The following CNTNAP4 variants were observed in gnomAD, a reference collection of about 807,000 sequenced individuals.
CNTNAP4 encodes contactin-associated protein-like 4.
In CNTNAP4, 98 loss-of-function variants were observed where a neutral mutation model predicts 148.4. That is an observed-to-expected ratio of 0.66 (90% CI 0.56 to 0.78). CNTNAP4 has a LOEUF of 0.78. Among genes scored for constraint, CNTNAP4 ranks in the 30% least tolerant of loss-of-function variants. The pLI is 0.00. For synonymous variants in CNTNAP4, 730 were observed against 565.1 expected (o/e 1.29, Z -4.14); for missense variants, 1,935 against 1,565.6 (o/e 1.24, Z -3.98).
chr16:76,419,719 C>G (rs898910426), intron 3 of CNTNAP4, among the ~76,000 whole-genome samples: 5 of 151,982 alleles, frequency 3.3e-5, no homozygotes, highest in Admixed American at 2.6e-4. Flanking sequence ...GACTGGGTGA[C>G]TTAAACAACA....
At chr16:76,530,921 C>G (rs1315529499) in intron 17 of CNTNAP4, among the ~76,000 whole-genome samples, 1 of 152,146 alleles carries the variant, frequency 6.6e-6, no homozygotes, top group Non-Finnish European at 1.5e-5. Flanking sequence ...ATATAGAAGA[C>G]AACTTTTTCC....
chr16:76,546,839 G>A (rs2084759310), intron 21 of CNTNAP4, among the ~76,000 whole-genome samples: 2 of 152,092 alleles, frequency 1.3e-5, no homozygotes, highest in African/African-American at 4.8e-5. Flanking sequence ...TAAATGTAAT[G>A]GGGTGTTAGA....
intron 10 of CNTNAP4, among the ~76,000 whole-genome samples, chr16:76,471,511 C>T (rs1451781906): frequency 6.6e-6 from 1 of 152,164 alleles, no homozygotes; most frequent in African/African-American, 2.4e-5. Flanking sequence ...CTCTGCACCT[C>T]CGTCACCTGT....
At chr16:76,358,305 C>A (rs1386871602) in intron 3 of CNTNAP4, among the ~76,000 whole-genome samples, 1 of 152,152 alleles carries the variant, frequency 6.6e-6, no homozygotes, top group East Asian at 1.9e-4. Flanking sequence ...CACTGCACTC[C>A]AGCCTGGGTG....
intron 10 of CNTNAP4, among the ~76,000 whole-genome samples, chr16:76,470,321 G>A (rs1455011301): frequency 1.3e-5 from 2 of 151,488 alleles, no homozygotes; most frequent in African/African-American, 2.4e-5. Flanking sequence ...TCATTTGATG[G>A]TTCAATAAAC....
At chr16:76,417,617 T>C (rs974838580) in intron 3 of CNTNAP4, among the ~76,000 whole-genome samples, 38 of 151,814 alleles carry the variant, frequency 2.5e-4, no homozygotes, top group South Asian at 1.9e-3. Flanking sequence ...TAAATGTTTG[T>C]CTTTTAACTA....
chr16:76,434,988 T>G (rs1279877898), intron 4 of CNTNAP4, among the ~76,000 whole-genome samples: 1 of 152,160 alleles, frequency 6.6e-6, no homozygotes. Context: ...CAGTGTCCAG[T>G]GGTCCCTGAA....
At chr16:76,483,881 A>G (rs2081930625) in intron 12 of CNTNAP4, among the ~76,000 whole-genome samples, 2 of 152,216 alleles carry the variant, frequency 1.3e-5, no homozygotes, top group South Asian at 4.1e-4. Flanking sequence ...GCAAATTCAC[A>G]AGTAATGAGA....
chr16:76,510,800 C>A (rs1414076308), intron 15 of CNTNAP4, among the ~76,000 whole-genome samples: 1 of 152,130 alleles, frequency 6.6e-6, no homozygotes, highest in East Asian at 1.9e-4. Context: ...CTTAACACTT[C>A]AGAAGTAAAC....
intron 2 of CNTNAP4, among the ~76,000 whole-genome samples, chr16:76,333,645 T>C (rs1042878305): frequency 6.6e-6 from 1 of 152,090 alleles, no homozygotes; most frequent in African/African-American, 2.4e-5. Context: ...TCTACATTCC[T>C]TTTTTTGCAT....
intron 3 of CNTNAP4, among the ~76,000 whole-genome samples, chr16:76,413,590 T>A (rs2144935471): frequency 6.6e-6 from 1 of 151,224 alleles, no homozygotes; most frequent in South Asian, 2.1e-4. Context: ...AACTTTGTTT[T>A]TCTTGAGGAG....
At chr16:76,343,870 C>G (rs1321623385) in intron 2 of CNTNAP4, among the ~76,000 whole-genome samples, 3 of 152,040 alleles carry the variant, frequency 2.0e-5, no homozygotes. Flanking sequence ...TTGACATAAA[C>G]CTCATAATAG....
chr16:76,411,930 A>G (rs1369328845), intron 3 of CNTNAP4, among the ~76,000 whole-genome samples: 3 of 151,440 alleles, frequency 2.0e-5, no homozygotes, highest in Non-Finnish European at 4.4e-5. Flanking sequence ...ATATTATTGT[A>G]ACTTTCATGC....
At position 76,558,543 on chromosome 16, in the gene CNTNAP4, C is replaced by G. The variant is rs934711582; in HGVS notation, c.3787C>G (p.Arg1263Gly). Residue 1263 changes from arginine (R) to glycine (G), a missense_variant, in exon 24 of 24, where the codon CGC becomes GGC. Physicochemically the swap from Arg to Gly is moderately radical, Grantham distance 125. Transcript: ENST00000611870. ...GCTTTGCATCACTGCCATAGCTGTT[C>G]GCATTTATCAGCAGAAAAGGTTATA... ...ILLCITAIAV[R>G]IYQQKRLYKR... is the part of the protein sequence containing the mutation. 5.0e-6 allele frequency: 8 copies of G among 1,610,520 alleles called. No individual in the cohort carries two copies. Among genetic ancestry groups the G allele is most frequent in the African/African-American group, 1.3e-5 (1 of 74,752 alleles).
intron 3 of CNTNAP4, among the ~76,000 whole-genome samples, chr16:76,427,015 G>A (rs1029288199): frequency 2.0e-5 from 3 of 152,144 alleles, no homozygotes; most frequent in Admixed American, 1.3e-4. Flanking sequence ...AGAACCAAAA[G>A]ACATCATAGC....
chr16:76,332,834 GTC>G (rs1192189435), intron 2 of CNTNAP4, among the ~76,000 whole-genome samples: 4 of 152,114 alleles, frequency 2.6e-5, no homozygotes, highest in Non-Finnish European at 5.9e-5. Flanking sequence ...CCAAAGGTGA[GTC>G]TTAGATACCG....
intron 3 of CNTNAP4, among the ~76,000 whole-genome samples, chr16:76,386,084 G>C (rs149358923): frequency 1.3e-5 from 2 of 152,332 alleles, no homozygotes; most frequent in African/African-American, 4.8e-5. Context: ...GCAGCCCAGA[G>C]TCTTCACTGC....
intron 9 of CNTNAP4, among the ~76,000 whole-genome samples, chr16:76,465,892 T>C (rs2081161856): frequency 6.6e-6 from 1 of 152,238 alleles, no homozygotes; most frequent in South Asian, 2.1e-4. Context: ...TGCTGTCCTT[T>C]ACTTGCCATG....
intron 11 of CNTNAP4, among the ~76,000 whole-genome samples, chr16:76,478,982 C>G (rs1306303854): frequency 1.3e-5 from 2 of 152,050 alleles, no homozygotes; most frequent in African/African-American, 2.4e-5. Flanking sequence ...TGGCTAACAG[C>G]AGATTTTTTA....
Sources: gnomAD v4.1 joint callset for allele counts (sites outside exome capture counted in the v4.1 genomes callset) on GRCh38, gnomAD v4.1.1 for gene constraint, MANE v1.5 for transcripts, NCBI Gene and HGNC (gene_info 2026-07-23, HGNC 2026-07-21) for gene names.